CHRNB1: variants seen among roughly 807,000 people sequenced by gnomAD.
CHRNB1 encodes the protein cholinergic receptor nicotinic beta 1 subunit, also known as acetylcholine receptor subunit beta.
A neutral mutation model predicts 53.8 loss-of-function variants in CHRNB1; 47 were observed. That is an observed-to-expected ratio of 0.87 (90% CI 0.69 to 1.11). The LOEUF (loss-of-function observed/expected upper bound fraction) is 1.11. Ranked by LOEUF, CHRNB1 falls within the 50% of genes most tolerant of loss-of-function variation. The pLI is 0.00. For synonymous variants in CHRNB1, 259 were observed against 263.5 expected (o/e 0.98, Z 0.16); for missense variants, 605 against 654.9 (o/e 0.92, Z 0.83).
Position 7,445,153 on chromosome 17 carries a change from T to TGCTGGGGGC in CHRNB1, c.38_46dup (p.Leu13_Ala15dup), listed in dbSNP as rs754981832. Reference sequence around the variant, plus strand: ...ATGACCCCAGGGGCTCTGCTGATGCTGCTGGGGGCGCTGGGGGCGCCGCTC... The same window carrying TGCTGGGGGC: ...ATGACCCCAGGGGCTCTGCTGATGCTGCTGGGGGCGCTGGGGGCGCTGGGGGCGCCGCTC... On this transcript the variant is annotated inframe_insertion, in exon 1 of 11. Coordinates refer to ENST00000306071, the MANE Select transcript of CHRNB1 (RefSeq NM_000747.3). This position sits in a 1 kb window ranked among gnomAD's most constrained non-coding sequence, Gnocchi z 5.7. 4 of 1,609,634 alleles carry TGCTGGGGGC rather than the reference T, an allele frequency of 2.5e-6. No individual in the cohort carries two copies. The highest frequency in any genetic ancestry group is 2.7e-5 in the African/African-American group (2 of 74,890).
chr17:7,446,145 T>C (rs1296714976), intron 3 of CHRNB1, 32 bp downstream of exon 3: 2 of 1,587,370 alleles, frequency 1.3e-6, no homozygotes, highest in Non-Finnish European at 1.7e-6. Flanking sequence ...GGAAAGGGCT[T>C]CCCTCTGCCT....
At chr17:7,448,819 G>T (rs776738907) in intron 7 of CHRNB1, 31 bp downstream of exon 7, 6 of 1,603,152 alleles carry the variant, frequency 3.7e-6, no homozygotes, top group African/African-American at 1.3e-5. Flanking sequence ...TTACTCTTTT[G>T]TCATTGGCTC....
Position 7,453,649 on chromosome 17 carries a change from G to A in CHRNB1, c.821-648G>A, listed in dbSNP as rs1346631350. On this transcript the variant is annotated intron_variant, in intron 7 of 10. Transcript: ENST00000306071. ...GTTGCTCAGGCTGGAAGGCAGTGGT[G>A]CCATCACAGCTCACTGCAGCCTCCA... 2.1e-5 allele frequency among the ~76,000 whole-genome samples: 3 copies of A among 144,572 alleles called. No individual in the cohort carries two copies. The East Asian group carries it at 6.0e-4, about 29-fold the overall frequency. The allele number at this position is 144,572 out of a possible 152,430, so 94.8% of individuals were successfully genotyped here.
intron 6 of CHRNB1, 71 bp from the exon 7 acceptor site, chr17:7,448,508 G>C (rs1908750278): frequency 6.7e-7 from 1 of 1,483,180 alleles, no homozygotes; most frequent in Non-Finnish European, 9.4e-7. Flanking sequence ...GGCTGTGGCA[G>C]AGCAAGCCAT....
intron 7 of CHRNB1, among the ~76,000 whole-genome samples, chr17:7,452,916 C>G (rs556544134): frequency 6.6e-6 from 1 of 152,044 alleles, no homozygotes; most frequent in Admixed American, 6.6e-5. Flanking sequence ...CCCAGCTGCT[C>G]GGGAGGCTAA....
rs534380483 is a variant in CHRNB1 at position 7,445,180 on chromosome 17, C to T, written c.53C>T (p.Ala18Val). 1 of 1,610,146 alleles carries T rather than the reference C, an allele frequency of 6.2e-7. No individual in the cohort carries two copies. Among genetic ancestry groups the T allele is most frequent in the Middle Eastern group, 1.7e-4 (1 of 5,754 alleles). The part of the protein sequence containing the change: ...MLLGALGAPL[A>V]PGVRGSEAEG... ...CTGGGGGCGCTGGGGGCGCCGCTCG[C>T]CCCAGGTAAGTGTAGGCCCCGAAGG... The change falls in exon 1 of 11, where the codon GCC becomes GTC. Residue 18 changes from alanine to valine, a missense_variant. Physicochemically the swap from Ala to Val is moderately conservative, Grantham distance 64. Transcript: ENST00000306071. This position sits in a 1 kb window ranked among gnomAD's most constrained non-coding sequence, Gnocchi z 5.7.
chr17:7,453,072 T>C (rs1175166473), intron 7 of CHRNB1, among the ~76,000 whole-genome samples: 4 of 152,130 alleles, frequency 2.6e-5, no homozygotes, highest in African/African-American at 9.7e-5. Context: ...GAGGAGTAGC[T>C]TTGGTAGTAA....
At position 7,445,156 on chromosome 17, in the gene CHRNB1, TG is replaced by T; in HGVS notation, c.34del (p.Ala12ArgfsTer55). The T allele has an allele frequency of 1.2e-6, 2 of 1,609,118 alleles. No individual in the cohort carries two copies. Among genetic ancestry groups the T allele is most frequent in the Non-Finnish European group, 8.5e-7 (1 of 1,179,344 alleles). On this transcript the variant is annotated frameshift_variant, in exon 1 of 11. Coordinates refer to ENST00000306071, the MANE Select transcript of CHRNB1 (RefSeq NM_000747.3). LOFTEE classifies it high-confidence loss of function. This position sits in a 1 kb window ranked among gnomAD's most constrained non-coding sequence, Gnocchi z 5.7. ...ACCCCAGGGGCTCTGCTGATGCTGC[TG>T]GGGGCGCTGGGGGCGCCGCTCGCCC... Reference protein sequence around the residue: MTPGALLMLLGALGAPLAPG... With the variant: MTPGALLMLXGALGAPLAPG...
At chr17:7,454,645 T>A (rs1337723679) in intron 8 of CHRNB1, 125 bp downstream of exon 8, 50 of 766,652 alleles carry the variant, frequency 6.5e-5, no homozygotes, top group Admixed American at 4.1e-5. Flanking sequence ...ACAGTTAAGC[T>A]AGCCCCCATC....
chr17:7,449,307 G>A (rs1223382158), intron 7 of CHRNB1, among the ~76,000 whole-genome samples: 1 of 150,212 alleles, frequency 6.7e-6, no homozygotes, highest in Non-Finnish European at 1.5e-5. Flanking sequence ...GTTTCACCGT[G>A]TTAGCCAGAA....
chr17:7,446,452 A>C (rs1908634884), intron 3 of CHRNB1: 1 of 515,534 alleles, frequency 1.9e-6, no homozygotes, highest in Non-Finnish European at 3.5e-6. Flanking sequence ...GGGAACCTCC[A>C]CAAGTGCTGA....
At chr17:7,446,142 G>C in intron 3 of CHRNB1, 29 bp downstream of exon 3, 2 of 1,592,822 alleles carry the variant, frequency 1.3e-6, no homozygotes, top group South Asian at 2.2e-5. Context: ...GTGGGAAAGG[G>C]CTTCCCTCTG....
chr17:7,454,607 C>T (rs1021959339), intron 8 of CHRNB1, 87 bp downstream of exon 8: 6 of 1,097,508 alleles, frequency 5.5e-6, no homozygotes, highest in Non-Finnish European at 7.0e-6. Flanking sequence ...GTTGAAGTGT[C>T]CAAGCTTGTT....
chr17:7,456,160 T>A (rs2069949052), intron 10 of CHRNB1, among the ~76,000 whole-genome samples: 1 of 150,036 alleles, frequency 6.7e-6, no homozygotes, highest in South Asian at 2.1e-4. Flanking sequence ...TTCAAGCGAT[T>A]GTCCTGCCTC....
Position 7,456,648 on chromosome 17 carries a change from C to A in CHRNB1, c.1431C>A (p.Ile477=). The A allele has an allele frequency of 1.2e-6, 2 of 1,614,168 alleles. No homozygotes were observed. The highest frequency in any genetic ancestry group is 1.7e-6 in the Non-Finnish European group (2 of 1,180,038). Residue 477 remains isoleucine, a synonymous_variant, in exon 11 of 11, where the codon ATC becomes ATA. Transcript: ENST00000306071. Reference sequence around the variant, plus strand: ...GCCTCTTCCTGTGGACTTTCATCATCTTCACCAGCGTTGGGACCCTAGTCA... The same window carrying A: ...GCCTCTTCCTGTGGACTTTCATCATATTCACCAGCGTTGGGACCCTAGTCA... ...VDRLFLWTFI[I]FTSVGTLVIF...
intron 8 of CHRNB1, among the ~76,000 whole-genome samples, chr17:7,455,083 G>A (rs918497804): frequency 1.3e-5 from 2 of 151,958 alleles, no homozygotes; most frequent in Admixed American, 6.6e-5. Flanking sequence ...GATTACAGGC[G>A]TGAGCCACCG....
rs71157286 is a variant in CHRNB1, at chr17:7,448,074, C to CAAAA, written c.610+449_610+452dup. ...TCGGTAACAGAGTGAAAGTTCGTCT[C>CAAAA]AAAAAAAAAAAAAAAAAAAAAAAAA... On this transcript the variant is annotated intron_variant, in intron 6 of 10. Transcript: ENST00000306071. Among the ~76,000 whole-genome samples, 41 of 16,692 alleles carry CAAAA rather than the reference C, an allele frequency of 2.5e-3. 5 individuals are homozygous for CAAAA. Among genetic ancestry groups the CAAAA allele is most frequent in the Non-Finnish European group, 3.4e-3 (30 of 8,882 alleles). The allele number at this position is 16,692 out of a possible 152,430, so 11.0% of individuals were successfully genotyped here. A position where few individuals can be genotyped will look rare whatever the true frequency, so the allele number is the denominator to read the frequency against.
intron 9 of CHRNB1, 47 bp downstream of exon 9, chr17:7,455,503 A>G: frequency 1.2e-6 from 2 of 1,606,704 alleles, no homozygotes; most frequent in Non-Finnish European, 1.7e-6. Context: ...GGAGAACTAC[A>G]GTTCCCAGAA....
chr17:7,446,736 T>A, intron 3 of CHRNB1, 97 bp from the exon 4 acceptor site: 1 of 926,576 alleles, frequency 1.1e-6, no homozygotes, highest in Non-Finnish European at 1.7e-6. Context: ...CCTGTCCTGC[T>A]CCCCTTCCTT....
Sources: allele counts gnomAD v4.1 joint callset (sites outside exome capture counted in the v4.1 genomes callset), GRCh38; gene constraint gnomAD v4.1.1; non-coding constraint Gnocchi (gnomAD v3.1); transcripts MANE v1.5; gene names NCBI Gene and HGNC (gene_info 2026-07-23, HGNC 2026-07-21).